Variants in ZNF609 observed in about 807,000 individuals in gnomAD.
The protein encoded by ZNF609 is zinc finger protein 609.
ZNF609 carries 11 observed loss-of-function variants against 109.5 expected under a neutral mutation model. That is an observed-to-expected ratio of 0.10 (90% CI 0.06 to 0.17). ZNF609 has a LOEUF of 0.17. ZNF609 is among the 10% of genes least tolerant of loss of function. The pLI, the probability that ZNF609 is intolerant of heterozygous loss-of-function variation, is 1.00. For missense variants in ZNF609, 1,559 were observed against 1,772.4 expected (o/e 0.88, Z 2.16); for synonymous variants, 646 against 662.0 (o/e 0.98, Z 0.37).
chr15:64,620,922 T>C (rs915705069), intron 2 of ZNF609, among the ~76,000 whole-genome samples: 10 of 152,180 alleles, frequency 6.6e-5, no homozygotes, highest in African/African-American at 2.4e-4. Context: ...AGTCATGTAG[T>C]AAATTATTCC....
chr15:64,587,133 C>T (rs190825114), intron 2 of ZNF609, among the ~76,000 whole-genome samples: 7 of 152,238 alleles, frequency 4.6e-5, no homozygotes, highest in East Asian at 3.9e-4. Flanking sequence ...ACAAGGATGG[C>T]GAAAACTAAA....
At chr15:64,478,738 GCAGA>G (rs1313898489) in intron 1 of ZNF609, among the ~76,000 whole-genome samples, 4 of 152,150 alleles carry the variant, frequency 2.6e-5, no homozygotes, top group African/African-American at 9.7e-5. Context: ...TTACTTTTAA[GCAGA>G]CAGAGTTCTA....
rs527456011 is a variant in ZNF609, at chr15:64,575,462, A to G, written c.748-47365A>G. Among the ~76,000 whole-genome samples the G allele has an allele frequency of 7.2e-5, 11 of 152,134 alleles. No individual in the cohort carries two copies. In the South Asian group the frequency reaches 1.9e-3, roughly 26 times the overall value. On this transcript the variant is annotated intron_variant, in intron 2 of 9. Transcript: ENST00000326648. ...AAGAGGGGAAAACCAGAGGTTATCT[A>G]TAATCAGTAGGATTTTTTTGCACAT...
intron 2 of ZNF609, among the ~76,000 whole-genome samples, chr15:64,512,608 A>G (rs1368217416): frequency 3.3e-5 from 5 of 152,210 alleles, no homozygotes; most frequent in Admixed American, 6.5e-5. Context: ...GAAATATCGC[A>G]TCACAGAAAT....
chr15:64,582,216 T>C (rs1206164510), intron 2 of ZNF609, among the ~76,000 whole-genome samples: 1 of 152,176 alleles, frequency 6.6e-6, no homozygotes, highest in African/African-American at 2.4e-5. Flanking sequence ...GCCTCTTTCA[T>C]ACTACAACAG....
chr15:64,589,205 G>T (rs1000713522), intron 2 of ZNF609, among the ~76,000 whole-genome samples: 1 of 152,150 alleles, frequency 6.6e-6, no homozygotes, highest in Admixed American at 6.6e-5. Context: ...GCTAAAAAAG[G>T]AGAAGAACTC....
chr15:64,501,754 A>C (rs1461946179), intron 2 of ZNF609: 1 of 152,196 alleles, frequency 6.6e-6, no homozygotes, highest in Non-Finnish European at 1.5e-5. Context: ...GATGACCTTC[A>C]TTCTCCTATC....
At chr15:64,618,410 G>A (rs1382124675) in intron 2 of ZNF609, among the ~76,000 whole-genome samples, 1 of 152,188 alleles carries the variant, frequency 6.6e-6, no homozygotes, top group African/African-American at 2.4e-5. Flanking sequence ...CCCAGTGGGT[G>A]TGTGTTACAG....
At chr15:64,463,384 G>A (rs1467805398) in intron 1 of ZNF609, among the ~76,000 whole-genome samples, 1 of 149,418 alleles carries the variant, frequency 6.7e-6, no homozygotes, top group Non-Finnish European at 1.5e-5. Context: ...GGGTGATAGA[G>A]CAGGACCTTG....
Position 64,524,786 on chromosome 15 carries a change from G to A in ZNF609, c.747+24620G>A, listed in dbSNP as rs190284573. Among the ~76,000 whole-genome samples, 387 of 152,142 alleles carry A rather than the reference G, an allele frequency of 2.5e-3. 3 individuals are homozygous for A. Among genetic ancestry groups the A allele is most frequent in the Non-Finnish European group, 4.2e-3 (288 of 67,988 alleles). On this transcript the variant is annotated intron_variant, in intron 2 of 9. Coordinates refer to ENST00000326648, the MANE Select transcript of ZNF609 (RefSeq NM_015042.2). Reference sequence around the variant, plus strand: ...TGCTGCTATGAACATTCATATACAAGTTTTTGTATGGACATATGTCTTCAG... The same window carrying A: ...TGCTGCTATGAACATTCATATACAAATTTTTGTATGGACATATGTCTTCAG...
intron 2 of ZNF609, among the ~76,000 whole-genome samples, chr15:64,509,198 AC>A (rs1304012091): frequency 6.6e-6 from 1 of 152,172 alleles, no homozygotes; most frequent in Admixed American, 6.5e-5. Context: ...TTGTGGACAA[AC>A]TGACAGGAAC....
intron 1 of ZNF609, among the ~76,000 whole-genome samples, chr15:64,477,401 A>G (rs1893189459): frequency 6.6e-6 from 1 of 151,528 alleles, no homozygotes; most frequent in East Asian, 1.9e-4. Context: ...CAGCCTCCCA[A>G]AGTGCTGAGA....
chr15:64,580,084 TGTAAG>T (rs772406056), intron 2 of ZNF609, among the ~76,000 whole-genome samples: 2 of 152,144 alleles, frequency 1.3e-5, no homozygotes, highest in African/African-American at 2.4e-5. Context: ...CAAGGGTTCT[TGTAAG>T]GGAAGAAGAG....
intron 1 of ZNF609, among the ~76,000 whole-genome samples, chr15:64,475,480 C>G (rs1893157137): frequency 1.3e-5 from 2 of 150,892 alleles, no homozygotes; most frequent in South Asian, 4.2e-4. Flanking sequence ...CCTCCACCTC[C>G]CAGGTTCAAG....
chr15:64,642,657 A>T (rs964700207), intron 3 of ZNF609, among the ~76,000 whole-genome samples: 5 of 152,094 alleles, frequency 3.3e-5, no homozygotes, highest in Non-Finnish European at 5.9e-5. Context: ...TAGCCAGGCA[A>T]GTGGCACACT....
intron 3 of ZNF609, among the ~76,000 whole-genome samples, chr15:64,668,694 C>T (rs1896684573): frequency 6.6e-6 from 1 of 152,090 alleles, no homozygotes; most frequent in South Asian, 2.1e-4. Flanking sequence ...TGGCTCATGC[C>T]TGTAATCCCA....
chr15:64,507,327 C>T (rs1259656554), intron 2 of ZNF609, among the ~76,000 whole-genome samples: 1 of 152,102 alleles, frequency 6.6e-6, no homozygotes, highest in African/African-American at 2.4e-5. Flanking sequence ...GAGCTTTTAC[C>T]AGCAGAGCTC....
chr15:64,522,162 G>A (rs190440948), intron 2 of ZNF609, among the ~76,000 whole-genome samples: 4 of 152,286 alleles, frequency 2.6e-5, no homozygotes, highest in African/African-American at 7.2e-5. Context: ...CTGTCCACTC[G>A]GTTTTCTGTT....
intron 3 of ZNF609, chr15:64,654,478 T>C (rs995772109): frequency 2.0e-5 from 3 of 152,144 alleles, no homozygotes; most frequent in African/African-American, 7.2e-5. Context: ...TTTTTTCTTT[T>C]TTATAGAGAT....
Sources: gnomAD v4.1 joint callset for allele counts (sites outside exome capture counted in the v4.1 genomes callset) on GRCh38, gnomAD v4.1.1 for gene constraint, MANE v1.5 for transcripts, NCBI Gene and HGNC (gene_info 2026-07-23, HGNC 2026-07-21) for gene names.